The following WT1 variants were observed in gnomAD, a reference collection of about 807,000 sequenced individuals.
WT1 encodes the protein Wilms tumor protein.
A neutral mutation model predicts 60.8 loss-of-function variants in WT1; 8 were observed. The ratio of observed to expected loss-of-function variants is 0.13; its 90% CI spans 0.08 to 0.24. WT1 has a LOEUF of 0.24. WT1 is among the 10% of genes least tolerant of loss of function. WT1 has a pLI of 1.00. For missense variants in WT1, 568 were observed against 711.8 expected (o/e 0.80, Z 2.30); for synonymous variants, 312 against 297.1 (o/e 1.05, Z -0.52).
chr11:32,401,511 G>T (rs967317596), intron 5 of WT1, among the ~76,000 whole-genome samples: 1 of 151,700 alleles, frequency 6.6e-6, no homozygotes, highest in African/African-American at 2.4e-5. Flanking sequence ...TTATCGGGGG[G>T]GGGTGTGGTC....
intron 7 of WT1, among the ~76,000 whole-genome samples, chr11:32,394,452 C>T (rs530146458): frequency 6.6e-6 from 1 of 152,304 alleles, no homozygotes; most frequent in South Asian, 2.1e-4. Context: ...AGTACATGAT[C>T]ATGTACTCTC....
chr11:32,392,166 C>A, intron 8 of WT1, 102 bp from the exon 9 acceptor site: 2 of 1,018,662 alleles, frequency 2.0e-6, no homozygotes, highest in Non-Finnish European at 3.1e-6. Context: ...CATTTCCTGC[C>A]ATGCCTGCAA....
chr11:32,411,074 C>T (rs184265930), intron 5 of WT1, among the ~76,000 whole-genome samples: 1 of 151,776 alleles, frequency 6.6e-6, no homozygotes, highest in Non-Finnish European at 1.5e-5. Context: ...CCAATACACA[C>T]ACACACACAC....
intron 5 of WT1, 142 bp from the exon 6 acceptor site, chr11:32,400,186 A>G: frequency 2.1e-6 from 2 of 965,484 alleles, no homozygotes; most frequent in Non-Finnish European, 3.2e-6. Context: ...CCATGGGGCC[A>G]CTTTAGATGC....
intron 9 of WT1, among the ~76,000 whole-genome samples, 191 bp from the exon 10 acceptor site, chr11:32,389,370 C>T (rs1008859929): frequency 6.6e-6 from 1 of 151,992 alleles, no homozygotes; most frequent in Non-Finnish European, 1.5e-5. Flanking sequence ...CTTTAAGGAT[C>T]GAAATATTGT....
intron 3 of WT1, among the ~76,000 whole-genome samples, chr11:32,419,159 A>G (rs908291430): frequency 6.6e-6 from 1 of 152,172 alleles, no homozygotes; most frequent in Non-Finnish European, 1.5e-5. Context: ...TCTTGCTGTA[A>G]GGCTGGAGTA....
chr11:32,403,642 T>C (rs1433985682), intron 5 of WT1, among the ~76,000 whole-genome samples: 2 of 147,982 alleles, frequency 1.4e-5, no homozygotes, highest in Non-Finnish European at 3.0e-5. Context: ...TGGCATGAAG[T>C]CAGCTCACTG....
At position 32,388,003 on chromosome 11, in the gene WT1, A is replaced by AACACACAC. The variant is rs58549495; in HGVS notation, c.*1047_*1054dup. On this transcript the variant is annotated 3_prime_UTR_variant, in exon 10 of 10. Transcript: ENST00000452863. ...TCCCTTAAAAAACAAAACACAACACAACACACACACACACACACACACACA... is the reference window on the plus strand; with the variant it reads ...TCCCTTAAAAAACAAAACACAACACAACACACACACACACACACACACACACACACACA... The AACACACAC allele has an allele frequency of 3.9e-5, 9 of 229,090 alleles. No homozygotes were observed. Among genetic ancestry groups the AACACACAC allele is most frequent in the Non-Finnish European group, 6.9e-5 (8 of 116,776 alleles). The allele number at this position is 229,090 out of a possible 1,614,324, so 14.2% of individuals were successfully genotyped here. A position where few individuals can be genotyped will look rare whatever the true frequency, so the allele number is the denominator to read the frequency against.
chr11:32,429,492 C>T (rs1183894060), intron 1 of WT1, among the ~76,000 whole-genome samples: 4 of 130,558 alleles, frequency 3.1e-5, no homozygotes, highest in African/African-American at 5.7e-5. Context: ...AGAAAAAGAG[C>T]GTGGAGCCTC....
intron 5 of WT1, among the ~76,000 whole-genome samples, chr11:32,405,291 A>G (rs1414119087): frequency 6.6e-6 from 1 of 152,070 alleles, no homozygotes; most frequent in Non-Finnish European, 1.5e-5. Flanking sequence ...TCCATTCTCA[A>G]AGAAAAGTAG....
chr11:32,398,133 C>T (rs190726579), intron 6 of WT1, among the ~76,000 whole-genome samples: 2 of 152,274 alleles, frequency 1.3e-5, no homozygotes, highest in African/African-American at 4.8e-5. Flanking sequence ...GTAACCCTTG[C>T]CTTTATTGCT....
intron 7 of WT1, 59 bp from the exon 8 acceptor site, chr11:32,392,814 G>C (rs942601427): frequency 1.3e-6 from 2 of 1,506,764 alleles, no homozygotes; most frequent in African/African-American, 1.4e-5. Flanking sequence ...TCTCATTAAA[G>C]GCAACCTCTC....
At chr11:32,426,227 C>T (rs1343650252) in intron 3 of WT1, among the ~76,000 whole-genome samples, 1 of 152,174 alleles carries the variant, frequency 6.6e-6, no homozygotes, top group East Asian at 1.9e-4. Context: ...GGTCTTCTCT[C>T]AGCCTAGTGT....
intron 4 of WT1, 63 bp from the exon 5 acceptor site, chr11:32,416,603 A>T (rs1399873991): frequency 6.3e-6 from 10 of 1,596,086 alleles, no homozygotes; most frequent in Non-Finnish European, 8.6e-6. Context: ...CAAGCCCCCC[A>T]GATCCCAGAA....
chr11:32,410,548 T>C (rs986773906), intron 5 of WT1, among the ~76,000 whole-genome samples: 19 of 152,210 alleles, frequency 1.2e-4, no homozygotes, highest in South Asian at 2.1e-4. Context: ...TCTGAAGATA[T>C]AAATACACCT....
At chr11:32,413,471 G>C (rs1852565901) in intron 5 of WT1, among the ~76,000 whole-genome samples, 1 of 152,312 alleles carries the variant, frequency 6.6e-6, no homozygotes, top group South Asian at 2.1e-4. Flanking sequence ...CTCCCCTGGG[G>C]AAAGGCCAAA....
At chr11:32,400,276 G>A in intron 5 of WT1, 4 of 605,694 alleles carry the variant, frequency 6.6e-6, no homozygotes, top group Admixed American at 2.4e-5. Context: ...TCTCGTAGGC[G>A]TGCACCGTCA....
intron 5 of WT1, among the ~76,000 whole-genome samples, chr11:32,414,396 C>G (rs1446811277): frequency 6.6e-6 from 1 of 152,162 alleles, no homozygotes; most frequent in African/African-American, 2.4e-5. Context: ...CCTCAGCATT[C>G]CAAGTAGCTG....
intron 4 of WT1, chr11:32,417,324 C>A (rs1852706493): frequency 6.0e-6 from 3 of 503,170 alleles, no homozygotes; most frequent in Non-Finnish European, 1.1e-5. Flanking sequence ...AATTATAAAA[C>A]ATTCAACAAG....
Sources: allele counts gnomAD v4.1 joint callset (sites outside exome capture counted in the v4.1 genomes callset), GRCh38; gene constraint gnomAD v4.1.1; transcripts MANE v1.5; gene names NCBI Gene and HGNC (gene_info 2026-07-23, HGNC 2026-07-21).